MPPED2: variants seen among roughly 807,000 people sequenced by gnomAD.
MPPED2 encodes metallophosphoesterase domain containing 2.
A neutral mutation model predicts 33.0 loss-of-function variants in MPPED2; 5 were observed. The ratio of observed to expected loss-of-function variants is 0.15; its 90% confidence interval spans 0.08 to 0.32. The LOEUF (loss-of-function observed/expected upper bound fraction) is 0.32. Among genes scored for constraint, MPPED2 ranks in the 10% least tolerant of loss-of-function variants. The pLI is 1.00. For synonymous variants in MPPED2, 136 were observed against 141.9 expected (o/e 0.96, Z 0.29); for missense variants, 275 against 372.1 (o/e 0.74, Z 2.15).
intron 3 of MPPED2, among the ~76,000 whole-genome samples, chr11:30,510,496 G>A (rs1953104273): frequency 1.3e-5 from 2 of 152,182 alleles, no homozygotes; most frequent in African/African-American, 4.8e-5. Context: ...CACCAAGGTG[G>A]TTTCTCAAGG....
chr11:30,579,002 CT>C (rs57264756), intron 2 of MPPED2, among the ~76,000 whole-genome samples: 8,078 of 140,996 alleles, frequency 0.057, 709 homozygotes, highest in African/African-American at 0.2. Context: ...TTGTCTTTTC[CT>C]TTTTTTTTTT....
intron 1 of MPPED2, chr11:30,584,847 A>C (rs957937561): frequency 6.6e-6 from 1 of 152,232 alleles, no homozygotes; most frequent in Non-Finnish European, 1.5e-5. Flanking sequence ...TGTGGAGGCC[A>C]CGGGATCTCC....
At position 30,580,378 on chromosome 11, in the gene MPPED2, C is replaced by T. The variant is rs1957110498; in HGVS notation, c.-5G>A. On this transcript the variant is annotated 5_prime_UTR_variant, in exon 2 of 7. Transcript: ENST00000358117. ...AGAAGGAATCCCATGTGCCATCCTTCCTCCCTATAGGCATGAGCAATTCAC... is the reference window on the plus strand; with the variant it reads ...AGAAGGAATCCCATGTGCCATCCTTTCTCCCTATAGGCATGAGCAATTCAC... The T allele has an allele frequency of 6.2e-7, 1 of 1,613,860 alleles. No individual in the cohort carries two copies. Among genetic ancestry groups the T allele is most frequent in the African/African-American group, 1.3e-5 (1 of 74,880 alleles).
chr11:30,543,517 T>C (rs1955243896), intron 2 of MPPED2, among the ~76,000 whole-genome samples: 2 of 152,252 alleles, frequency 1.3e-5, no homozygotes, highest in African/African-American at 4.8e-5. Context: ...ATTCAGGTTC[T>C]GAAGTCACTC....
intron 4 of MPPED2, among the ~76,000 whole-genome samples, chr11:30,419,856 G>A (rs1409527529): frequency 1.3e-5 from 2 of 152,156 alleles, no homozygotes; most frequent in African/African-American, 4.8e-5. Context: ...ACAAAAAAGA[G>A]AGGACTGTAA....
chr11:30,576,796 C>T (rs989624720), intron 2 of MPPED2, among the ~76,000 whole-genome samples: 15 of 151,806 alleles, frequency 9.9e-5, no homozygotes, highest in African/African-American at 3.6e-4. Flanking sequence ...GTAAGTGAGG[C>T]ACACAAATTC....
chr11:30,522,844 AT>A (rs1310602408), intron 3 of MPPED2, among the ~76,000 whole-genome samples: 2 of 152,212 alleles, frequency 1.3e-5, no homozygotes, highest in Non-Finnish European at 2.9e-5. Context: ...TTGCATCATA[AT>A]ATTTTCATTT....
At chr11:30,451,835 G>A (rs528873337) in intron 4 of MPPED2, 2 of 985,356 alleles carry the variant, frequency 2.0e-6, no homozygotes, top group South Asian at 9.4e-5. Context: ...ACAGGCTGCG[G>A]TGGGAAGTCA....
chr11:30,461,996 C>T (rs1312308581), intron 4 of MPPED2, among the ~76,000 whole-genome samples: 1 of 152,190 alleles, frequency 6.6e-6, no homozygotes, highest in Non-Finnish European at 1.5e-5. Flanking sequence ...AGCAAGTTTT[C>T]ATGGCTCCTT....
At chr11:30,552,923 C>T (rs565673552) in intron 2 of MPPED2, among the ~76,000 whole-genome samples, 2 of 152,210 alleles carry the variant, frequency 1.3e-5, no homozygotes, top group Non-Finnish European at 2.9e-5. Flanking sequence ...TGCCAACAGA[C>T]CCTGAGTCCA....
At chr11:30,447,348 C>T (rs1480507369) in intron 4 of MPPED2, among the ~76,000 whole-genome samples, 7 of 152,178 alleles carry the variant, frequency 4.6e-5, no homozygotes, top group African/African-American at 1.4e-4. Context: ...ACCTCCTTGT[C>T]GTGTCAGTGC....
At chr11:30,423,043 G>A (rs887434132) in intron 4 of MPPED2, among the ~76,000 whole-genome samples, 5 of 152,132 alleles carry the variant, frequency 3.3e-5, no homozygotes, top group Non-Finnish European at 7.4e-5. Flanking sequence ...TACAAAACAG[G>A]TTTTCTTTAT....
intron 3 of MPPED2, among the ~76,000 whole-genome samples, chr11:30,502,001 G>A (rs1475383453): frequency 6.6e-6 from 1 of 152,184 alleles, no homozygotes. Flanking sequence ...GTTCACCAGA[G>A]CAGCTATGCT....
rs147870622 is a variant in MPPED2, at chr11:30,424,851, G to GAC, written c.537-7220_537-7219dup. Among the ~76,000 whole-genome samples, 1,015 of 152,208 alleles carry GAC rather than the reference G, an allele frequency of 6.7e-3. 8 individuals are homozygous for GAC. The highest frequency in any genetic ancestry group is 0.023 in the African/African-American group (972 of 41,522). ...AACTTCACACCTTGTGCAGCAAAGA[G>GAC]ACACACACACACCAATTGACATCGC... On this transcript the variant is annotated intron_variant, in intron 4 of 6. Coordinates refer to ENST00000358117, the MANE Select transcript of MPPED2 (RefSeq NM_001584.3).
intron 4 of MPPED2, among the ~76,000 whole-genome samples, chr11:30,418,640 C>A (rs910976513): frequency 3.9e-5 from 6 of 152,178 alleles, no homozygotes; most frequent in Admixed American, 2.0e-4. Flanking sequence ...ACAGACAAGT[C>A]GGTCAATTTT....
At chr11:30,404,175 C>T (rs1294067333) in intron 6 of MPPED2, among the ~76,000 whole-genome samples, 1 of 152,190 alleles carries the variant, frequency 6.6e-6, no homozygotes, top group Non-Finnish European at 1.5e-5. Context: ...ACCAAAGTCA[C>T]CCTTCAATAC....
At chr11:30,528,137 A>G (rs1201778399) in intron 3 of MPPED2, among the ~76,000 whole-genome samples, 1 of 132,408 alleles carries the variant, frequency 7.6e-6, no homozygotes, top group Non-Finnish European at 1.7e-5. Context: ...TTTATACACA[A>G]TACACACACA....
At chr11:30,575,769 C>T (rs1956903103) in intron 2 of MPPED2, among the ~76,000 whole-genome samples, 1 of 152,194 alleles carries the variant, frequency 6.6e-6, no homozygotes, top group South Asian at 2.1e-4. Flanking sequence ...AAGATTCCAT[C>T]CCCGCCTTGG....
At chr11:30,518,148 T>G (rs1953642239) in intron 3 of MPPED2, among the ~76,000 whole-genome samples, 2 of 152,208 alleles carry the variant, frequency 1.3e-5, no homozygotes, top group Admixed American at 6.5e-5. Flanking sequence ...CAGTCTCTGC[T>G]TAGGATCTTT....
Sources: gnomAD v4.1 joint callset for allele counts (sites outside exome capture counted in the v4.1 genomes callset) on GRCh38, gnomAD v4.1.1 for gene constraint, MANE v1.5 for transcripts, NCBI Gene and HGNC (gene_info 2026-07-23, HGNC 2026-07-21) for gene names.